AFF3: variants seen among roughly 807,000 people sequenced by gnomAD.
AFF3 encodes ALF transcription elongation factor 3.
In AFF3, 32 loss-of-function variants were observed where a neutral mutation model predicts 129.7. The observed-to-expected ratio is 0.25, with a 90% confidence interval of 0.19 to 0.33. The LOEUF is 0.33. Among genes scored for constraint, AFF3 ranks in the 10% least tolerant of loss-of-function variants. The pLI is 1.00. For missense variants in AFF3, 1,373 were observed against 1,592.0 expected (o/e 0.86, Z 2.34); for synonymous variants, 644 against 635.4 (o/e 1.01, Z -0.20).
At chr2:99,726,048 G>A (rs1456741733) in intron 11 of AFF3, among the ~76,000 whole-genome samples, 1 of 152,100 alleles carries the variant, frequency 6.6e-6, no homozygotes, top group Non-Finnish European at 1.5e-5. Flanking sequence ...TTAAAAATTA[G>A]TAACATTTTA....
chr2:99,594,556 T>G lies in AFF3; in HGVS notation c.1372-267A>C, dbSNP rs1679097955. On this transcript the variant is annotated intron_variant, in intron 14 of 24. Transcript: ENST00000672756. The stretch of plus-strand genomic sequence containing the variant: ...TTGGAAAAATAAGGAAAGCATTGTG[T>G]CTCATTAGAACCCATTTCCTAGTAC... Among the ~76,000 whole-genome samples the G allele has an allele frequency of 2.0e-5, 3 of 152,222 alleles. No homozygotes were observed. In the South Asian group the frequency reaches 6.2e-4, roughly 32 times the overall value.
At chr2:99,861,449 C>A (rs529163794) in intron 7 of AFF3, among the ~76,000 whole-genome samples, 2 of 152,114 alleles carry the variant, frequency 1.3e-5, no homozygotes. Flanking sequence ...AGGGTAATAA[C>A]CTACCACACA....
chr2:99,751,498 A>C (rs1681651907), intron 9 of AFF3, among the ~76,000 whole-genome samples: 1 of 152,220 alleles, frequency 6.6e-6, no homozygotes, highest in South Asian at 2.1e-4. Flanking sequence ...AAAAATATAC[A>C]TATTTTCTAT....
intron 7 of AFF3, among the ~76,000 whole-genome samples, chr2:99,900,575 C>T (rs918487610): frequency 5.9e-5 from 9 of 152,266 alleles, no homozygotes; most frequent in African/African-American, 2.2e-4. Flanking sequence ...TGGAGGAAAG[C>T]CCACTCAGCA....
At chr2:99,624,041 G>T (rs1682310405) in intron 13 of AFF3, among the ~76,000 whole-genome samples, 1 of 152,208 alleles carries the variant, frequency 6.6e-6, no homozygotes, top group Admixed American at 6.5e-5. Flanking sequence ...AGGGCCCTGG[G>T]AGGCTGCACA....
rs563836792 is a variant in AFF3, at chr2:99,881,722, G to T, written c.874-44198C>A. ...ATTTGGTCCAGGGAAACCCTCAATG[G>T]AAAAGGATTAGTGAAAATTTCAAAC... On this transcript the variant is annotated intron_variant, in intron 7 of 24. Coordinates refer to ENST00000672756, the MANE Select transcript of AFF3 (RefSeq NM_001386135.1). Among the ~76,000 whole-genome samples the T allele has an allele frequency of 2.6e-5, 4 of 152,282 alleles. No individual in the cohort carries two copies. The East Asian group carries it at 7.7e-4, about 29-fold the overall frequency.
chr2:100,072,340 T>C (rs548302812), intron 4 of AFF3, among the ~76,000 whole-genome samples: 1 of 152,334 alleles, frequency 6.6e-6, no homozygotes, highest in East Asian at 1.9e-4. Flanking sequence ...TGCCTGAGGA[T>C]ATGAGGTGGT....
In AFF3 at chr2:100,121,735, T is replaced by C. The variant is rs543074441; in HGVS notation, c.-145+7489A>G. Among the ~76,000 whole-genome samples the C allele has an allele frequency of 4.6e-5, 7 of 152,248 alleles. No homozygotes were observed. The East Asian group carries it at 5.8e-4, about 13-fold the overall frequency. Reference sequence around the variant, plus strand: ...CAGTGGTACCATTGATAAAAAAAGATGGCAGATGGAGGAGGAGGTGTCAGT... The same window carrying C: ...CAGTGGTACCATTGATAAAAAAAGACGGCAGATGGAGGAGGAGGTGTCAGT... On this transcript the variant is annotated intron_variant, in intron 2 of 24. Transcript: ENST00000672756.
At chr2:99,563,869 CTT>C (rs1675730991) in intron 20 of AFF3, among the ~76,000 whole-genome samples, 1 of 140,642 alleles carries the variant, frequency 7.1e-6, no homozygotes, top group African/African-American at 2.6e-5. Context: ...GTCTTTTTGT[CTT>C]TGTTTTCTCT....
intron 8 of AFF3, among the ~76,000 whole-genome samples, chr2:99,779,962 G>A (rs961728116): frequency 2.6e-5 from 4 of 152,138 alleles, no homozygotes; most frequent in African/African-American, 4.8e-5. Context: ...AAAGATAGCC[G>A]CACATCATTA....
intron 7 of AFF3, among the ~76,000 whole-genome samples, chr2:99,867,575 T>TA (rs558832878): frequency 0.06 from 5,898 of 98,204 alleles, 376 homozygotes; most frequent in Admixed American, 0.21. Context: ...TATTTCTATA[T>TA]TAAAAAAAAA....
At chr2:99,598,227 C>A (rs953191554) in intron 14 of AFF3, among the ~76,000 whole-genome samples, 1 of 152,056 alleles carries the variant, frequency 6.6e-6, no homozygotes, top group Admixed American at 6.6e-5. Flanking sequence ...GGTATCCAGG[C>A]TTTTTTATTT....
At chr2:99,910,576 A>C (rs1181406662) in intron 7 of AFF3, among the ~76,000 whole-genome samples, 2 of 152,360 alleles carry the variant, frequency 1.3e-5, no homozygotes, top group East Asian at 1.9e-4. Context: ...GTAATAGTGC[A>C]AACAGGAATA....
chr2:100,033,247 T>C (rs970064492), intron 4 of AFF3, among the ~76,000 whole-genome samples: 8 of 152,100 alleles, frequency 5.3e-5, no homozygotes, highest in South Asian at 2.1e-4. Flanking sequence ...ACATACAGGG[T>C]TAGCAAGAAA....
At chr2:99,990,324 TA>T (rs1680228963) in intron 7 of AFF3, among the ~76,000 whole-genome samples, 1 of 152,134 alleles carries the variant, frequency 6.6e-6, no homozygotes, top group South Asian at 2.1e-4. Context: ...TTGTGAGGAA[TA>T]AAACCAAAAA....
chr2:99,784,227 T>C (rs1321089122), intron 8 of AFF3, among the ~76,000 whole-genome samples: 2 of 152,210 alleles, frequency 1.3e-5, no homozygotes, highest in African/African-American at 4.8e-5. Context: ...CTTTGTCCTC[T>C]TGGATAGTTT....
Position 99,594,164 on chromosome 2 carries a change from C to T in AFF3, c.1497G>A (p.Pro499=). The T allele has an allele frequency of 6.2e-7, 1 of 1,614,114 alleles. No homozygotes were observed. Among genetic ancestry groups the T allele is most frequent in the Non-Finnish European group, 8.5e-7 (1 of 1,180,000 alleles). Residue 499 remains proline (P), a synonymous_variant, in exon 15 of 25, where the codon CCG becomes CCA. Transcript: ENST00000672756. Reference sequence around the variant, plus strand: ...CACAGTCCTGGACGTCCTCTTTCACCGGGTTGTAGTACTGATTGCTCTCTG... The same window carrying T: ...CACAGTCCTGGACGTCCTCTTTCACTGGGTTGTAGTACTGATTGCTCTCTG... ...HGSESNQYYN[P]VKEDVQDCGK...
At chr2:99,891,661 G>C (rs1693562233) in intron 7 of AFF3, among the ~76,000 whole-genome samples, 1 of 152,188 alleles carries the variant, frequency 6.6e-6, no homozygotes, top group African/African-American at 2.4e-5. Flanking sequence ...CAAGCAAGCA[G>C]ACATAACCTC....
At chr2:99,927,647 G>T (rs553086383) in intron 7 of AFF3, among the ~76,000 whole-genome samples, 9 of 152,266 alleles carry the variant, frequency 5.9e-5, no homozygotes, top group Non-Finnish European at 1.2e-4. Flanking sequence ...TAACACCAGG[G>T]TGATTAAATA....
Sources: gnomAD v4.1 joint callset for allele counts (sites outside exome capture counted in the v4.1 genomes callset) on GRCh38, gnomAD v4.1.1 for gene constraint, MANE v1.5 for transcripts, NCBI Gene and HGNC (gene_info 2026-07-23, HGNC 2026-07-21) for gene names.